NYAP2: variants seen among roughly 807,000 people sequenced by gnomAD.
The protein encoded by NYAP2 is neuronal tyrosine-phosphorylated phosphoinositide-3-kinase adaptor 2.
Under a neutral mutation model 50.4 loss-of-function variants are expected in NYAP2, and 23 were observed. The observed-to-expected ratio is 0.46, with a 90% CI of 0.33 to 0.65. NYAP2 has a LOEUF of 0.65. NYAP2 is among the 30% of genes least tolerant of loss of function. NYAP2 has a pLI of 0.02. For synonymous variants in NYAP2, 394 were observed against 365.2 expected (o/e 1.08, Z -0.90); for missense variants, 885 against 861.0 (o/e 1.03, Z -0.35).
At chr2:225,543,454 C>T (rs1299904743) in intron 4 of NYAP2, among the ~76,000 whole-genome samples, 2 of 151,786 alleles carry the variant, frequency 1.3e-5, no homozygotes, top group East Asian at 3.9e-4. Context: ...TATGTTCTTT[C>T]CATTTTCATT....
chr2:225,696,051 G>T, the NYAP2 span, among the ~76,000 whole-genome samples: 3 of 151,838 alleles, frequency 2.0e-5, no homozygotes, highest in African/African-American at 7.2e-5. Context: ...AAATTTAGTT[G>T]TATTTTTGAG....
intron 4 of NYAP2, among the ~76,000 whole-genome samples, chr2:225,575,318 A>G (rs1465746521): frequency 1.3e-5 from 2 of 152,102 alleles, no homozygotes; most frequent in Non-Finnish European, 2.9e-5. Context: ...CAAGTTTTAG[A>G]TTTTTGTTAT....
intron 2 of NYAP2, among the ~76,000 whole-genome samples, chr2:225,404,385 C>A (rs1694906442): frequency 1.3e-5 from 2 of 151,900 alleles, no homozygotes; most frequent in Admixed American, 1.3e-4. Context: ...GCAGACTTAG[C>A]TTATGCTCCA....
At chr2:225,594,990 G>T (rs1472054441) in intron 5 of NYAP2, among the ~76,000 whole-genome samples, 1 of 152,184 alleles carries the variant, frequency 6.6e-6, no homozygotes, top group Admixed American at 6.5e-5. Context: ...GCTGTAGCTG[G>T]CTAGAAAAGA....
intron 4 of NYAP2, among the ~76,000 whole-genome samples, chr2:225,559,369 T>C (rs575852699): frequency 3.3e-5 from 5 of 151,374 alleles, no homozygotes; most frequent in African/African-American, 1.2e-4. Context: ...AAAAATGTGC[T>C]ATGTCTGGGG....
At chr2:225,483,164 A>G (rs986562325) in intron 3 of NYAP2, among the ~76,000 whole-genome samples, 1 of 152,198 alleles carries the variant, frequency 6.6e-6, no homozygotes, top group African/African-American at 2.4e-5. Flanking sequence ...ATATACTTAA[A>G]TATGTTTTAA....
At chr2:225,665,861 G>T in the NYAP2 span, among the ~76,000 whole-genome samples, 1 of 133,570 alleles carries the variant, frequency 7.5e-6, no homozygotes, top group South Asian at 2.5e-4. Flanking sequence ...ATAGACAGGA[G>T]GTAAGTGAGG....
At chr2:225,500,056 A>T (rs1690578455) in intron 3 of NYAP2, among the ~76,000 whole-genome samples, 1 of 152,262 alleles carries the variant, frequency 6.6e-6, no homozygotes, top group African/African-American at 2.4e-5. Flanking sequence ...GTTAAGAGAT[A>T]TTGAGTCAGC....
intron 3 of NYAP2, among the ~76,000 whole-genome samples, chr2:225,410,696 A>G (rs774976246): frequency 1.3e-5 from 2 of 152,066 alleles, no homozygotes; most frequent in East Asian, 3.8e-4. Flanking sequence ...TTATCACTCT[A>G]CTACTAGCTT....
intron 3 of NYAP2, among the ~76,000 whole-genome samples, chr2:225,478,265 G>A (rs1041640257): frequency 7.2e-5 from 11 of 152,156 alleles, no homozygotes; most frequent in African/African-American, 2.7e-4. Flanking sequence ...AGGATGAAGA[G>A]TCGGGGATGC....
chr2:225,632,128 G>A (rs1693329724), intron 6 of NYAP2, among the ~76,000 whole-genome samples: 1 of 152,166 alleles, frequency 6.6e-6, no homozygotes, highest in African/African-American at 2.4e-5. Context: ...AGCAAACCAT[G>A]CACTACTTGA....
intron 3 of NYAP2, among the ~76,000 whole-genome samples, chr2:225,435,383 A>T (rs1024377597): frequency 1.3e-5 from 2 of 152,214 alleles, no homozygotes; most frequent in Non-Finnish European, 2.9e-5. Context: ...TACAAATGAA[A>T]GTGAGTTGAA....
In NYAP2 at chr2:225,556,507, T is replaced by C. The variant is rs371547471; in HGVS notation, c.524-25434T>C. ...TTAGGCATCTAGACTTCTTCAATGT[T>C]ATGGCTCTGCTGTTCCTTGAGCTCC... On this transcript the variant is annotated intron_variant, in intron 4 of 6. Coordinates refer to ENST00000636099, the Ensembl canonical transcript of NYAP2. Among the ~76,000 whole-genome samples, 67 of 152,320 alleles carry C rather than the reference T, an allele frequency of 4.4e-4. No homozygotes were observed. In the South Asian group the frequency reaches 0.014, roughly 32 times the overall value.
At chr2:225,438,298 A>G (rs1342938949) in intron 3 of NYAP2, among the ~76,000 whole-genome samples, 2 of 152,218 alleles carry the variant, frequency 1.3e-5, no homozygotes, top group Non-Finnish European at 2.9e-5. Flanking sequence ...AAACTCAGGA[A>G]CATTTATAAT....
At chr2:225,598,936 A>C (rs1030756689) in intron 5 of NYAP2, among the ~76,000 whole-genome samples, 1 of 152,210 alleles carries the variant, frequency 6.6e-6, no homozygotes, top group Non-Finnish European at 1.5e-5. Flanking sequence ...ACGTGAAATC[A>C]ATGGAGGGCT....
chr2:225,684,467 A>C, the NYAP2 span, among the ~76,000 whole-genome samples: 4 of 139,788 alleles, frequency 2.9e-5, no homozygotes, highest in African/African-American at 2.7e-5. Flanking sequence ...TTTTCTCCCC[A>C]CCCCCAGCTC....
rs1245930851 is a variant in NYAP2, at chr2:225,544,972, G to GC, written c.523+31300_523+31301insC. Among the ~76,000 whole-genome samples the GC allele has an allele frequency of 6.6e-5, 10 of 152,216 alleles. No homozygotes were observed. The South Asian group carries it at 1.7e-3, about 25-fold the overall frequency. On this transcript the variant is annotated intron_variant, in intron 4 of 6. Transcript: ENST00000636099. The stretch of plus-strand genomic sequence containing the variant: ...CTAGACATACTATTCTAGGGTAAAA[G>GC]TTATTTTTTTTCCTTCAGCACTTTA...
chr2:225,616,356 G>A lies in NYAP2; in HGVS notation c.1619-10561G>A, dbSNP rs555272865. ...CCCCGCTCCTCCATACTCTTTCATGGTGGAGGCACAGGGCCTTTGCCCTCT... is the reference window on the plus strand; with the variant it reads ...CCCCGCTCCTCCATACTCTTTCATGATGGAGGCACAGGGCCTTTGCCCTCT... On this transcript the variant is annotated intron_variant, in intron 5 of 6. Coordinates refer to ENST00000636099, the Ensembl canonical transcript of NYAP2. Among the ~76,000 whole-genome samples the A allele has an allele frequency of 9.2e-5, 14 of 152,324 alleles. 1 individual carries two copies. In the South Asian group the frequency reaches 2.9e-3, roughly 32 times the overall value.
At chr2:225,399,275 C>A (rs577833082), upstream of NYAP2, among the ~76,000 whole-genome samples, 1 of 151,870 alleles carries the variant, frequency 6.6e-6, no homozygotes, top group Non-Finnish European at 1.5e-5. Context: ...TAGATTAAAA[C>A]ATGTACATTT....
Sources: gnomAD v4.1 joint callset for allele counts (sites outside exome capture counted in the v4.1 genomes callset) on GRCh38, gnomAD v4.1.1 for gene constraint, MANE v1.5 for transcripts, NCBI Gene and HGNC (gene_info 2026-07-23, HGNC 2026-07-21) for gene names.